KIRREL3: variants seen among roughly 807,000 people sequenced by gnomAD.
KIRREL3 encodes kirre like nephrin family adhesion molecule 3.
A neutral mutation model predicts 89.7 loss-of-function variants in KIRREL3; 36 were observed. That is an observed-to-expected ratio of 0.40 (90% CI 0.31 to 0.53). The LOEUF is 0.53. KIRREL3 is among the 20% of genes least tolerant of loss of function. The pLI is 0.49. For missense variants in KIRREL3, 864 were observed against 1,056.6 expected, an observed-to-expected ratio of 0.82 and a Z score of 2.53; for synonymous variants, 445 against 441.4, an observed-to-expected ratio of 1.01 and a Z score of -0.10.
rs1056730015 is a variant in KIRREL3 at position 126,485,212 on chromosome 11, G to C, written c.434-11746C>G. Among the ~76,000 whole-genome samples the C allele has an allele frequency of 2.6e-5, 4 of 152,224 alleles. No homozygotes were observed. The highest frequency in any genetic ancestry group is 9.7e-5 in the African/African-American group (4 of 41,446). On this transcript the variant is annotated intron_variant, in intron 4 of 16. Transcript: ENST00000525144. The surrounding 1 kb of genome is among the most constrained non-coding windows in gnomAD (Gnocchi z 5.8). Reference sequence around the variant, plus strand: ...AAGGAGGTTGGGGACAGAGAGAAAAGAGGAACAAGGAGCAAGACGCAGGTT... The same window carrying C: ...AAGGAGGTTGGGGACAGAGAGAAAACAGGAACAAGGAGCAAGACGCAGGTT...
intron 1 of KIRREL3, among the ~76,000 whole-genome samples, chr11:126,720,056 G>C (rs748746797): frequency 6.6e-6 from 1 of 152,106 alleles, no homozygotes; most frequent in Non-Finnish European, 1.5e-5. Flanking sequence ...CAACCTGCAG[G>C]CTCCCTCTTC....
chr11:126,468,938 C>T lies in KIRREL3; in HGVS notation c.591+4371G>A, dbSNP rs184389720. ...CATGTGGCCAGCCTAACTATGACAC[C>T]GATGTCTGCATATGGGAAACGCGAG... On this transcript the variant is annotated intron_variant, in intron 5 of 16. Coordinates refer to ENST00000525144, the MANE Select transcript of KIRREL3 (RefSeq NM_032531.4). Among the ~76,000 whole-genome samples the T allele has an allele frequency of 1.2e-4, 19 of 152,286 alleles. No individual in the cohort carries two copies. In the East Asian group the frequency reaches 3.3e-3, roughly 26 times the overall value.
chr11:126,848,266 A>T (rs1944215878), intron 1 of KIRREL3, among the ~76,000 whole-genome samples: 1 of 152,238 alleles, frequency 6.6e-6, no homozygotes, highest in South Asian at 2.1e-4. Context: ...ATGTGAAATA[A>T]TTATTCTTGC....
chr11:126,440,319 G>C, intron 11 of KIRREL3, 130 bp downstream of exon 11: 1 of 790,626 alleles, frequency 1.3e-6, no homozygotes, highest in Non-Finnish European at 2.1e-6. Flanking sequence ...AGCCAAGGCA[G>C]GTATAATTTT....
intron 1 of KIRREL3, among the ~76,000 whole-genome samples, chr11:126,974,951 T>C (rs1949527550): frequency 6.6e-6 from 1 of 152,166 alleles, no homozygotes; most frequent in Admixed American, 6.5e-5. Context: ...TCTTGCTCTG[T>C]CACCCAGGCT....
At position 126,561,130 on chromosome 11, in the gene KIRREL3, G is replaced by A. The variant is rs1265595680; in HGVS notation, c.133+1705C>T. 2.0e-5 allele frequency among the ~76,000 whole-genome samples: 3 copies of A among 152,182 alleles called. No individual in the cohort carries two copies. Among genetic ancestry groups the A allele is most frequent in the Admixed American group, 6.5e-5 (1 of 15,284 alleles). On this transcript the variant is annotated intron_variant, in intron 2 of 16. Coordinates refer to ENST00000525144, the MANE Select transcript of KIRREL3 (RefSeq NM_032531.4). The surrounding 1 kb of genome is among the most constrained non-coding windows in gnomAD (Gnocchi z 4.5). ...TAGGGCAGCAAGGCTGGCTGGAGTG[G>A]AAGAAGAGGAGCTTCCTCCCTCCAG...
chr11:126,511,556 G>A (rs938521812), intron 4 of KIRREL3, among the ~76,000 whole-genome samples: 1 of 152,172 alleles, frequency 6.6e-6, no homozygotes. Context: ...TGGGCATTGC[G>A]TCTTCTGCTT....
intron 1 of KIRREL3, among the ~76,000 whole-genome samples, chr11:126,810,870 A>G (rs1319411159): frequency 6.6e-6 from 1 of 152,160 alleles, no homozygotes; most frequent in Non-Finnish European, 1.5e-5. Context: ...AACCCTGAGA[A>G]TATGATGGCT....
intron 1 of KIRREL3, among the ~76,000 whole-genome samples, chr11:126,665,937 T>A (rs1945642659): frequency 6.6e-6 from 1 of 152,222 alleles, no homozygotes; most frequent in African/African-American, 2.4e-5. Flanking sequence ...GAGGATGACA[T>A]GAGGTAAAAA....
chr11:126,770,758 G>A (rs887223012), intron 1 of KIRREL3, among the ~76,000 whole-genome samples: 20 of 152,132 alleles, frequency 1.3e-4, no homozygotes, highest in Non-Finnish European at 2.2e-4. Context: ...GGCTTCATAC[G>A]GAGCCCCAGA....
chr11:126,810,361 A>G (rs1347941667), intron 1 of KIRREL3, among the ~76,000 whole-genome samples: 1 of 152,208 alleles, frequency 6.6e-6, no homozygotes, highest in Admixed American at 6.5e-5. Context: ...GCAGCTTCAC[A>G]CTGCCCTGAT....
rs1011285537 is a variant in KIRREL3, at chr11:126,780,416, T to C, written c.56-217504A>G. On this transcript the variant is annotated intron_variant, in intron 1 of 16. Coordinates refer to ENST00000525144, the MANE Select transcript of KIRREL3 (RefSeq NM_032531.4). This position sits in a 1 kb window ranked among gnomAD's most constrained non-coding sequence, Gnocchi z 5.3. ...TGACAGGGTTTCTTTTAACTTAATG[T>C]TTGCTGAACCATCCCTTCTATCTCA... 1.3e-5 allele frequency among the ~76,000 whole-genome samples: 2 copies of C among 152,212 alleles called. No homozygotes were observed. Among genetic ancestry groups the C allele is most frequent in the African/African-American group, 2.4e-5 (1 of 41,458 alleles).
In KIRREL3 at chr11:126,879,067, C is replaced by A. The variant is rs1945399219; in HGVS notation, c.55+121388G>T. ...TCTTTGTCAATTACAGGGCATTACT[C>A]TGCAGGCCAACCGGCAATTACAATG... is the stretch of plus-strand genomic sequence containing the variant. On this transcript the variant is annotated intron_variant, in intron 1 of 16. Coordinates refer to ENST00000525144, the MANE Select transcript of KIRREL3 (RefSeq NM_032531.4). The surrounding 1 kb of genome is among the most constrained non-coding windows in gnomAD (Gnocchi z 5.4). Among the ~76,000 whole-genome samples the A allele has an allele frequency of 6.6e-6, 1 of 152,244 alleles. No homozygotes were observed. Among genetic ancestry groups the A allele is most frequent in the African/African-American group, 2.4e-5 (1 of 41,456 alleles).
At chr11:126,971,353 G>A (rs1474759559) in intron 1 of KIRREL3, among the ~76,000 whole-genome samples, 1 of 152,164 alleles carries the variant, frequency 6.6e-6, no homozygotes, top group African/African-American at 2.4e-5. Flanking sequence ...CTAAAAGATT[G>A]TAATCATTAC....
At chr11:126,511,727 C>T (rs928567654) in intron 4 of KIRREL3, among the ~76,000 whole-genome samples, 4 of 152,224 alleles carry the variant, frequency 2.6e-5, no homozygotes, top group African/African-American at 4.8e-5. Flanking sequence ...GACACCCCTC[C>T]GTCACCCCAC....
rs1250125036 is a variant in KIRREL3, at chr11:126,656,216, A to G, written c.56-93304T>C. On this transcript the variant is annotated intron_variant, in intron 1 of 16. Coordinates refer to ENST00000525144, the MANE Select transcript of KIRREL3 (RefSeq NM_032531.4). This position sits in a 1 kb window ranked among gnomAD's most constrained non-coding sequence, Gnocchi z 4.0. ...GCTACAGAGTTAGGACTCCGAAGTC[A>G]GAAAGATGCCTGTTGGTTCTGCCGT... 4.4e-6 allele frequency: 2 copies of G among 455,728 alleles called. No individual in the cohort carries two copies. The highest frequency in any genetic ancestry group is 8.8e-6 in the Non-Finnish European group (2 of 226,684). The allele number at this position is 455,728 out of a possible 1,614,324, so 28.2% of individuals were successfully genotyped here.
In KIRREL3 at chr11:126,903,203, T is replaced by C. The variant is rs1211786936; in HGVS notation, c.55+97252A>G. ...AATGCTGGAAGCCTTGTAGTCATCT[T>C]TGCTATATTTAGAGGGAAAATAACG... is the stretch of plus-strand genomic sequence containing the variant. On this transcript the variant is annotated intron_variant, in intron 1 of 16. Coordinates refer to ENST00000525144, the MANE Select transcript of KIRREL3 (RefSeq NM_032531.4). The surrounding 1 kb of genome is among the most constrained non-coding windows in gnomAD (Gnocchi z 4.5). Among the ~76,000 whole-genome samples the C allele has an allele frequency of 6.6e-6, 1 of 152,250 alleles. No homozygotes were observed. Among genetic ancestry groups the C allele is most frequent in the African/African-American group, 2.4e-5 (1 of 41,466 alleles).
At position 126,597,618 on chromosome 11, in the gene KIRREL3, G is replaced by A. The variant is rs1327392967; in HGVS notation, c.56-34706C>T. Among the ~76,000 whole-genome samples, 10 of 152,290 alleles carry A rather than the reference G, an allele frequency of 6.6e-5. 1 individual carries two copies. In the South Asian group the frequency reaches 2.1e-3, roughly 32 times the overall value. On this transcript the variant is annotated intron_variant, in intron 1 of 16. Transcript: ENST00000525144. ...CCACTTGGAGCTCCAAACTATTTCG[G>A]TCTCAAAGGGCAAGTGGTCCCAAGG...
rs555954784 is a variant in KIRREL3 at position 126,683,943 on chromosome 11, G to A, written c.56-121031C>T. 1.2e-3 allele frequency among the ~76,000 whole-genome samples: 180 copies of A among 152,368 alleles called. 4 individuals carry two copies. The South Asian group carries it at 0.028, about 23-fold the overall frequency. ...CCCCCTTCAGGGACTGTCGTGGGCT[G>A]TGGCCTCAGAGGTCCCTTACAGGGT... On this transcript the variant is annotated intron_variant, in intron 1 of 16. Coordinates refer to ENST00000525144, the MANE Select transcript of KIRREL3 (RefSeq NM_032531.4). The surrounding 1 kb of genome is among the most constrained non-coding windows in gnomAD (Gnocchi z 5.2).
Sources: allele counts gnomAD v4.1 joint callset (sites outside exome capture counted in the v4.1 genomes callset), GRCh38; gene constraint gnomAD v4.1.1; non-coding constraint Gnocchi (gnomAD v3.1); transcripts MANE v1.5; gene names NCBI Gene and HGNC (gene_info 2026-07-23, HGNC 2026-07-21).